Variants in SEC63 observed in about 807,000 individuals in gnomAD.
SEC63 encodes the protein translocation protein SEC63 homolog.
SEC63 carries 56 observed loss-of-function variants against 116.2 expected under a neutral mutation model. The observed-to-expected ratio is 0.48, with a 90% CI of 0.39 to 0.60. The LOEUF (loss-of-function observed/expected upper bound fraction) is 0.60. Among genes scored for constraint, SEC63 ranks in the 20% least tolerant of loss-of-function variants. The probability of loss-of-function intolerance (pLI) is 0.00; values close to 1 mark genes in which losing one functional copy is unlikely to be tolerated. For synonymous variants in SEC63, 273 were observed against 294.6 expected (o/e 0.93, Z 0.75); for missense variants, 668 against 900.0 (o/e 0.74, Z 3.30).
At chr6:107,937,275 A>G (rs1256245666) in intron 1 of SEC63, among the ~76,000 whole-genome samples, 1 of 152,108 alleles carries the variant, frequency 6.6e-6, no homozygotes, top group African/African-American at 2.4e-5. Context: ...GGCATGCGCC[A>G]CCACACCCGG....
chr6:107,895,053 T>A (rs527871169), intron 14 of SEC63, among the ~76,000 whole-genome samples: 2 of 152,334 alleles, frequency 1.3e-5, no homozygotes, highest in Admixed American at 1.3e-4. Flanking sequence ...ATATCATAAC[T>A]TCCTCCTTTC....
chr6:107,889,793 T>C (rs1289527349), intron 16 of SEC63, among the ~76,000 whole-genome samples: 3 of 152,214 alleles, frequency 2.0e-5, no homozygotes, highest in Admixed American at 6.5e-5. Context: ...TTTGTTCTCA[T>C]TGGTTTCAAA....
At chr6:107,900,501 A>G (rs1786975555) in intron 13 of SEC63, among the ~76,000 whole-genome samples, 1 of 152,102 alleles carries the variant, frequency 6.6e-6, no homozygotes, top group Non-Finnish European at 1.5e-5. Flanking sequence ...AAATAAAATT[A>G]GCCAGGTATG....
intron 1 of SEC63, among the ~76,000 whole-genome samples, chr6:107,941,914 A>G (rs778140522): frequency 6.6e-6 from 1 of 152,260 alleles, no homozygotes; most frequent in Admixed American, 6.5e-5. Flanking sequence ...TAGCATTTCT[A>G]TGATGTATCA....
chr6:107,950,504 T>C (rs1169869519), intron 1 of SEC63, among the ~76,000 whole-genome samples: 2 of 152,194 alleles, frequency 1.3e-5, no homozygotes, highest in Non-Finnish European at 1.5e-5. Context: ...TTTTGCAGGA[T>C]AGACTATATG....
intron 1 of SEC63, among the ~76,000 whole-genome samples, chr6:107,935,353 G>A (rs1265084239): frequency 9.9e-5 from 15 of 151,780 alleles, no homozygotes; most frequent in Non-Finnish European, 1.6e-4. Context: ...TAGAAAGGGG[G>A]GAAAGGTGGG....
intron 1 of SEC63, 66 bp from the exon 2 acceptor site, chr6:107,929,580 A>G: frequency 1.0e-5 from 9 of 877,676 alleles, no homozygotes; most frequent in Non-Finnish European, 1.7e-5. Context: ...AAACCAGCTA[A>G]CTGGTTAACT....
At chr6:107,896,937 G>A (rs982628667) in intron 14 of SEC63, among the ~76,000 whole-genome samples, 9 of 151,270 alleles carry the variant, frequency 5.9e-5, no homozygotes, top group Non-Finnish European at 8.8e-5. Flanking sequence ...CCAAGATCAC[G>A]CCATTGCACT....
chr6:107,930,390 C>G (rs1207231587), intron 1 of SEC63, among the ~76,000 whole-genome samples: 2 of 151,642 alleles, frequency 1.3e-5, no homozygotes, highest in African/African-American at 2.4e-5. Flanking sequence ...GCGGGCAGAT[C>G]ACCTGAGGTC....
At chr6:107,942,075 A>G (rs1770389074) in intron 1 of SEC63, among the ~76,000 whole-genome samples, 1 of 152,234 alleles carries the variant, frequency 6.6e-6, no homozygotes, top group Non-Finnish European at 1.5e-5. Flanking sequence ...CCAAATGAAT[A>G]AAGGTACCAC....
chr6:107,949,822 G>T (rs1770544499), intron 1 of SEC63, among the ~76,000 whole-genome samples: 1 of 152,112 alleles, frequency 6.6e-6, no homozygotes, highest in South Asian at 2.1e-4. Flanking sequence ...TTGTTTGTAG[G>T]AACACGGTCT....
intron 2 of SEC63, among the ~76,000 whole-genome samples, chr6:107,929,041 T>C (rs1426717810): frequency 6.6e-6 from 1 of 152,382 alleles, no homozygotes; most frequent in African/African-American, 2.4e-5. Flanking sequence ...GCATACAGTA[T>C]GTGCTCAATA....
Position 107,906,705 on chromosome 6 carries a change from G to A in SEC63, c.806C>T (p.Thr269Met), listed in dbSNP as rs201116622. The A allele has an allele frequency of 2.7e-5, 43 of 1,613,624 alleles. No individual in the cohort carries two copies. Among genetic ancestry groups the A allele is most frequent in the South Asian group, 5.5e-5 (5 of 91,070 alleles). ...AACCTGTGGTATTAGAATATTATCCGTTGGTCTGCTTGTGGCATCTTTATT... is the reference window on the plus strand; with the variant it reads ...AACCTGTGGTATTAGAATATTATCCATTGGTCTGCTTGTGGCATCTTTATT... ...QYNKDATSRP[T>M]DNILIPQLIR... Residue 269 changes from threonine (T) to methionine (M), a missense_variant, in exon 9 of 21, where the codon ACG becomes ATG. Transcript: ENST00000369002.
chr6:107,934,419 T>G (rs1317340069), intron 1 of SEC63, among the ~76,000 whole-genome samples: 1 of 145,282 alleles, frequency 6.9e-6, no homozygotes, highest in Non-Finnish European at 1.5e-5. Flanking sequence ...CGCGGCCCCG[T>G]CTGGGATGTG....
At chr6:107,871,957 T>C in intron 20 of SEC63, 110 bp from the exon 21 acceptor site, 1 of 1,037,514 alleles carries the variant, frequency 9.6e-7, no homozygotes, top group Non-Finnish European at 1.5e-6. Context: ...AGAAATAGTT[T>C]TTTATGGACA....
At chr6:107,888,325 T>C (rs1291529255) in intron 16 of SEC63, among the ~76,000 whole-genome samples, 1 of 152,214 alleles carries the variant, frequency 6.6e-6, no homozygotes, top group African/African-American at 2.4e-5. Flanking sequence ...TTAAGTTGTA[T>C]TCCTGGGTGT....
intron 14 of SEC63, among the ~76,000 whole-genome samples, chr6:107,896,967 T>C (rs1583737447): frequency 7.7e-6 from 1 of 129,562 alleles, no homozygotes; most frequent in African/African-American, 3.0e-5. Context: ...GAAACAAGGG[T>C]GAAACTCCGT....
intron 2 of SEC63, among the ~76,000 whole-genome samples, chr6:107,925,683 A>G (rs1787659318): frequency 6.6e-6 from 1 of 152,258 alleles, no homozygotes; most frequent in South Asian, 2.1e-4. Flanking sequence ...CTCTAAAGTA[A>G]TATCTGGCAG....
chr6:107,908,536 C>T (rs1020641321), intron 8 of SEC63, among the ~76,000 whole-genome samples: 1 of 152,062 alleles, frequency 6.6e-6, no homozygotes, highest in Admixed American at 6.6e-5. Flanking sequence ...CTTTTCGGTG[C>T]CTCAGTTTCC....
Sources: allele counts gnomAD v4.1 joint callset (sites outside exome capture counted in the v4.1 genomes callset), GRCh38; gene constraint gnomAD v4.1.1; transcripts MANE v1.5; gene names NCBI Gene and HGNC (gene_info 2026-07-23, HGNC 2026-07-21).